The following PCSK2 variants were observed in gnomAD, a reference collection of about 807,000 sequenced individuals.
PCSK2 encodes the protein neuroendocrine convertase 2.
A neutral mutation model predicts 69.7 loss-of-function variants in PCSK2; 14 were observed. The ratio of observed to expected loss-of-function variants is 0.20; its 90% CI spans 0.13 to 0.31. The LOEUF is 0.31. PCSK2 is among the 10% of genes least tolerant of loss of function. The pLI is 1.00. For missense variants in PCSK2, 544 were observed against 842.5 expected (o/e 0.65, Z 4.39); for synonymous variants, 307 against 320.7 (o/e 0.96, Z 0.46).
At chr20:17,451,342 G>A (rs761981796) in intron 8 of PCSK2, among the ~76,000 whole-genome samples, 1 of 152,168 alleles carries the variant, frequency 6.6e-6, no homozygotes, top group Admixed American at 6.5e-5. Context: ...GGTCAGCTGC[G>A]TTGTTCTGCT....
In PCSK2 at chr20:17,435,734, C is replaced by G. The variant is rs564016296; in HGVS notation, c.710-974C>G. Reference sequence around the variant, plus strand: ...CTTCACTAGCACTCTAAGCTCCATGCCACAGAATTGTGAACCCACTGACCC... The same window carrying G: ...CTTCACTAGCACTCTAAGCTCCATGGCACAGAATTGTGAACCCACTGACCC... On this transcript the variant is annotated intron_variant, in intron 7 of 11. Transcript: ENST00000262545. 4.3e-3 allele frequency among the ~76,000 whole-genome samples: 655 copies of G among 152,274 alleles called. 5 individuals carry two copies. Among genetic ancestry groups the G allele is most frequent in the African/African-American group, 0.015 (642 of 41,556 alleles).
intron 10 of PCSK2, among the ~76,000 whole-genome samples, chr20:17,461,189 C>T (rs2033008378): frequency 6.6e-6 from 1 of 152,098 alleles, no homozygotes. Context: ...TTCCACACCA[C>T]AACTACACCA....
intron 5 of PCSK2, among the ~76,000 whole-genome samples, chr20:17,383,794 G>A (rs1465574633): frequency 6.6e-6 from 1 of 152,178 alleles, no homozygotes; most frequent in Admixed American, 6.5e-5. Context: ...TGGTGTTACA[G>A]TGTCACCATT....
Position 17,451,785 on chromosome 20 carries a change from G to A in PCSK2, c.886-1957G>A, listed in dbSNP as rs529479160. ...CACAAAGAAGAGAATGTTTAGCATCGATTTCCTTCATTTTAGCAAACGTTG... is the reference window on the plus strand; with the variant it reads ...CACAAAGAAGAGAATGTTTAGCATCAATTTCCTTCATTTTAGCAAACGTTG... On this transcript the variant is annotated intron_variant, in intron 8 of 11. Coordinates refer to ENST00000262545, the MANE Select transcript of PCSK2 (RefSeq NM_002594.5). 5.9e-5 allele frequency among the ~76,000 whole-genome samples: 9 copies of A among 152,210 alleles called. No individual in the cohort carries two copies. The South Asian group carries it at 6.2e-4, about 11-fold the overall frequency.
chr20:17,393,815 T>C (rs1318318525), intron 5 of PCSK2, among the ~76,000 whole-genome samples: 1 of 152,182 alleles, frequency 6.6e-6, no homozygotes, highest in African/African-American at 2.4e-5. Flanking sequence ...AACACCTCCA[T>C]AGCTAAGTGT....
At chr20:17,374,722 AAC>A (rs960138895) in intron 5 of PCSK2, among the ~76,000 whole-genome samples, 6 of 152,156 alleles carry the variant, frequency 3.9e-5, no homozygotes, top group Non-Finnish European at 8.8e-5. Flanking sequence ...AACTCTGGGA[AAC>A]AGTGTGGACC....
At chr20:17,445,463 T>G (rs1241512035) in intron 8 of PCSK2, among the ~76,000 whole-genome samples, 2 of 152,234 alleles carry the variant, frequency 1.3e-5, no homozygotes, top group Non-Finnish European at 2.9e-5. Context: ...AGACAGCGCA[T>G]TGATTGTTTA....
chr20:17,303,476 TATAATA>T (rs1989188929), intron 2 of PCSK2, among the ~76,000 whole-genome samples: 1 of 50,256 alleles, frequency 2.0e-5, no homozygotes, highest in African/African-American at 8.0e-5. Flanking sequence ...ATATATTATA[TATAATA>T]TATATTATAT....
intron 1 of PCSK2, among the ~76,000 whole-genome samples, chr20:17,250,374 T>C (rs917761550): frequency 6.6e-6 from 1 of 152,200 alleles, no homozygotes; most frequent in African/African-American, 2.4e-5. Flanking sequence ...ATACACGTTA[T>C]GTATTTTTGG....
intron 1 of PCSK2, among the ~76,000 whole-genome samples, chr20:17,232,720 G>A (rs904431824): frequency 3.3e-5 from 5 of 152,168 alleles, no homozygotes; most frequent in African/African-American, 1.2e-4. Context: ...GTCAAAGGAA[G>A]AATTATCTTG....
chr20:17,445,059 A>C (rs1330853786), intron 8 of PCSK2, among the ~76,000 whole-genome samples: 1 of 152,202 alleles, frequency 6.6e-6, no homozygotes, highest in Non-Finnish European at 1.5e-5. Flanking sequence ...AGTGCAGCTT[A>C]AGCAAAACCT....
At chr20:17,461,152 A>G (rs935248272) in intron 10 of PCSK2, among the ~76,000 whole-genome samples, 1 of 152,196 alleles carries the variant, frequency 6.6e-6, no homozygotes, top group African/African-American at 2.4e-5. Context: ...GCACAAAATC[A>G]GGTTTCACTT....
At chr20:17,275,941 A>T (rs1988056142) in intron 2 of PCSK2, among the ~76,000 whole-genome samples, 1 of 152,142 alleles carries the variant, frequency 6.6e-6, no homozygotes, top group Non-Finnish European at 1.5e-5. Flanking sequence ...TCACAACCAC[A>T]TCTATACAAT....
At chr20:17,451,052 G>A (rs1209181991) in intron 8 of PCSK2, among the ~76,000 whole-genome samples, 7 of 152,070 alleles carry the variant, frequency 4.6e-5, no homozygotes, top group Admixed American at 4.6e-4. Flanking sequence ...AGACTTTTTG[G>A]TGCTAAAACC....
chr20:17,263,757 A>C (rs1987483757), intron 2 of PCSK2, among the ~76,000 whole-genome samples: 1 of 152,234 alleles, frequency 6.6e-6, no homozygotes, highest in African/African-American at 2.4e-5. Context: ...CTTAATTTCC[A>C]AAACCCAATC....
At chr20:17,375,743 C>A (rs1356998822) in intron 5 of PCSK2, among the ~76,000 whole-genome samples, 1 of 152,142 alleles carries the variant, frequency 6.6e-6, no homozygotes, top group Non-Finnish European at 1.5e-5. Flanking sequence ...ATGCTCTGAG[C>A]AGCTCCAAGA....
At chr20:17,418,823 G>GGCT (rs2032058947) in intron 6 of PCSK2, among the ~76,000 whole-genome samples, 2 of 152,186 alleles carry the variant, frequency 1.3e-5, no homozygotes, top group South Asian at 4.1e-4. Context: ...TCTTGAGAAA[G>GGCT]GCTGGTGTCA....
intron 7 of PCSK2, among the ~76,000 whole-genome samples, chr20:17,436,406 C>T (rs182760489): frequency 1.5e-4 from 23 of 152,318 alleles, no homozygotes; most frequent in Non-Finnish European, 2.5e-4. Context: ...TACTTAGAAA[C>T]GAGCTTATCA....
At chr20:17,455,662 C>T (rs934353727) in intron 9 of PCSK2, among the ~76,000 whole-genome samples, 3 of 152,206 alleles carry the variant, frequency 2.0e-5, no homozygotes, top group African/African-American at 7.2e-5. Flanking sequence ...AAGGGCCAGT[C>T]CCAATGCAAC....
Sources: gnomAD v4.1 joint callset for allele counts (sites outside exome capture counted in the v4.1 genomes callset) on GRCh38, gnomAD v4.1.1 for gene constraint, MANE v1.5 for transcripts, NCBI Gene and HGNC (gene_info 2026-07-23, HGNC 2026-07-21) for gene names.